The following ANK3 variants were observed in gnomAD, a reference collection of about 807,000 sequenced individuals.
ANK3 encodes ankyrin 3, also known as ankyrin-3.
A neutral mutation model predicts 370.9 loss-of-function variants in ANK3; 57 were observed. The observed-to-expected ratio is 0.15, with a 90% CI of 0.12 to 0.19. The LOEUF is 0.19. Among genes scored for constraint, ANK3 ranks in the 10% least tolerant of loss-of-function variants. ANK3 has a pLI of 1.00. For missense variants in ANK3, 4,439 were observed against 5,302.1 expected, an observed-to-expected ratio of 0.84 and a Z score of 5.06; for synonymous variants, 1,929 against 1,946.3, an observed-to-expected ratio of 0.99 and a Z score of 0.23.
intron 16 of ANK3, among the ~76,000 whole-genome samples, chr10:60,190,145 G>A (rs1015253297): frequency 6.6e-6 from 1 of 152,144 alleles, no homozygotes; most frequent in African/African-American, 2.4e-5. Context: ...ACATGTATGA[G>A]TAAGACAATA....
intron 2 of ANK3, among the ~76,000 whole-genome samples, chr10:60,427,220 C>G (rs1341423110): frequency 6.6e-6 from 1 of 151,970 alleles, no homozygotes; most frequent in Non-Finnish European, 1.5e-5. Flanking sequence ...CAGAGAATAT[C>G]AAAATGGATA....
At chr10:60,707,577 G>T (rs529032483) in intron 1 of ANK3, among the ~76,000 whole-genome samples, 15 of 151,530 alleles carry the variant, frequency 9.9e-5, no homozygotes, top group Non-Finnish European at 1.6e-4. Flanking sequence ...GATACACTTA[G>T]ACATGATTAT....
intron 1 of ANK3, among the ~76,000 whole-genome samples, chr10:60,625,181 A>G (rs527732484): frequency 6.6e-6 from 1 of 152,218 alleles, no homozygotes; most frequent in African/African-American, 2.4e-5. Flanking sequence ...AGGGAGCCAC[A>G]AGGGGAACAC....
intron 1 of ANK3, among the ~76,000 whole-genome samples, chr10:60,298,412 G>A (rs1009676875): frequency 2.5e-4 from 38 of 152,154 alleles, no homozygotes; most frequent in Non-Finnish European, 5.4e-4. Flanking sequence ...AGCTCATGCA[G>A]ATAAAGTGTT....
intron 5 of ANK3, among the ~76,000 whole-genome samples, chr10:60,268,534 T>C (rs1045312175): frequency 6.6e-6 from 1 of 152,146 alleles, no homozygotes; most frequent in Admixed American, 6.5e-5. Flanking sequence ...CTTATTGGTG[T>C]AAATTTAGAT....
chr10:60,652,862 C>A (rs2078809621), intron 1 of ANK3, among the ~76,000 whole-genome samples: 1 of 152,032 alleles, frequency 6.6e-6, no homozygotes, highest in Non-Finnish European at 1.5e-5. Flanking sequence ...TCTCTAGAGA[C>A]CAGATAGGAG....
chr10:60,282,405 A>G (rs1343666944), intron 1 of ANK3, among the ~76,000 whole-genome samples: 3 of 152,226 alleles, frequency 2.0e-5, no homozygotes, highest in African/African-American at 7.2e-5. Context: ...CAAAATCGGT[A>G]TAAAACAAAT....
intron 2 of ANK3, among the ~76,000 whole-genome samples, chr10:60,541,248 G>A (rs776738784): frequency 3.3e-5 from 5 of 151,906 alleles, no homozygotes; most frequent in Non-Finnish European, 7.4e-5. Flanking sequence ...ACTCTTCATT[G>A]AGATTTCATC....
intron 1 of ANK3, chr10:60,300,192 C>T (rs527958263): frequency 1.5e-5 from 7 of 470,456 alleles, no homozygotes; most frequent in South Asian, 9.8e-5. Context: ...TCAAGTGATC[C>T]GTAGTGCAAA....
intron 1 of ANK3, among the ~76,000 whole-genome samples, chr10:60,336,121 C>G (rs1260823888): frequency 6.6e-6 from 1 of 151,496 alleles, no homozygotes; most frequent in Non-Finnish European, 1.5e-5. Flanking sequence ...AAGGAGCAGG[C>G]AAAAGTCACA....
intron 28 of ANK3, among the ~76,000 whole-genome samples, chr10:60,101,961 G>C (rs2091330400): frequency 6.6e-6 from 1 of 151,968 alleles, no homozygotes; most frequent in African/African-American, 2.4e-5. Context: ...AGAGGCAAAG[G>C]AGCAGTGCAG....
intron 42 of ANK3, chr10:60,051,436 A>G (rs2077969661): frequency 1.1e-6 from 1 of 910,780 alleles, no homozygotes; most frequent in African/African-American, 1.8e-5. Context: ...AGTTTCTAAT[A>G]GTAGAGCAAT....
rs368180538 is a variant in ANK3 at position 60,055,639 on chromosome 10, G to A, written c.13065+19C>T. ...ACTTTCCATTTCAATGACTGCTACC[G>A]GATGACCAGATGACGTACCTTTTGC... On this transcript the variant is annotated intron_variant, in intron 42 of 43. Transcript: ENST00000280772. The A allele has an allele frequency of 4.9e-5, 78 of 1,580,690 alleles. No homozygotes were observed. In the East Asian group the frequency reaches 1.0e-3, roughly 21 times the overall value.
chr10:60,321,747 G>A (rs574248981), intron 1 of ANK3, among the ~76,000 whole-genome samples: 1 of 152,358 alleles, frequency 6.6e-6, no homozygotes, highest in African/African-American at 2.4e-5. Flanking sequence ...ACTGACTGCA[G>A]AGCCCATTCT....
chr10:60,046,310 C>T (rs959280025), intron 42 of ANK3, among the ~76,000 whole-genome samples: 11 of 152,230 alleles, frequency 7.2e-5, no homozygotes, highest in African/African-American at 2.2e-4. Flanking sequence ...TGAAAGTTTT[C>T]CTTATAGCTT....
intron 39 of ANK3, 132 bp downstream of exon 39, chr10:60,064,025 A>C: frequency 1.2e-6 from 1 of 814,810 alleles, no homozygotes; most frequent in Non-Finnish European, 1.8e-6. Flanking sequence ...CTATTACCTC[A>C]TGATCACTTA....
At chr10:60,140,980 T>C (rs954370011) in intron 23 of ANK3, 71 of 985,338 alleles carry the variant, frequency 7.2e-5, no homozygotes, top group East Asian at 1.1e-4. Flanking sequence ...GGGAGTGGCA[T>C]GGAGCTCCAG....
At chr10:60,678,896 T>G (rs923541633) in intron 1 of ANK3, among the ~76,000 whole-genome samples, 1 of 152,198 alleles carries the variant, frequency 6.6e-6, no homozygotes, top group Non-Finnish European at 1.5e-5. Context: ...TTAAGTTACC[T>G]GGGAATAGTC....
chr10:60,399,859 C>G (rs2063319495), intron 2 of ANK3, among the ~76,000 whole-genome samples: 1 of 152,184 alleles, frequency 6.6e-6, no homozygotes, highest in Admixed American at 6.5e-5. Flanking sequence ...CAGCATACAT[C>G]TAATTTAAAT....
Sources: allele counts gnomAD v4.1 joint callset (sites outside exome capture counted in the v4.1 genomes callset), GRCh38; gene constraint gnomAD v4.1.1; transcripts MANE v1.5; gene names NCBI Gene and HGNC (gene_info 2026-07-23, HGNC 2026-07-21).